The following GABRA4 variants were observed in gnomAD, a reference collection of about 807,000 sequenced individuals.
GABRA4 encodes gamma-aminobutyric acid type A receptor subunit alpha4.
Under a neutral mutation model 49.7 loss-of-function variants are expected in GABRA4, and 12 were observed. The ratio of observed to expected loss-of-function variants is 0.24; its 90% CI spans 0.15 to 0.39. GABRA4 has a LOEUF of 0.39. Ranked by LOEUF, GABRA4 falls within the 10% of genes least tolerant of loss-of-function variation. GABRA4 has a pLI of 1.00. For synonymous variants in GABRA4, 288 were observed against 240.2 expected, an observed-to-expected ratio of 1.20 and a Z score of -1.84; for missense variants, 506 against 686.0, an observed-to-expected ratio of 0.74 and a Z score of 2.93.
Position 46,923,443 on chromosome 4 carries a change from C to G in GABRA4, c.*4782G>C, listed in dbSNP as rs1721106488. On this transcript the variant is annotated 3_prime_UTR_variant, in exon 9 of 9. Coordinates refer to ENST00000264318, the MANE Select transcript of GABRA4 (RefSeq NM_000809.4). ...TCTTTTAATCAAGCAATCTACTCTT[C>G]TAGACAAACATATCCAAATACAAAA... The G allele has an allele frequency of 6.6e-6, 1 of 151,984 alleles. No homozygotes were observed. Among genetic ancestry groups the G allele is most frequent in the African/African-American group, 2.4e-5 (1 of 41,388 alleles). 9.4% of individuals were successfully genotyped at this position (151,984 alleles called of 1,614,324 possible). A position where few individuals can be genotyped will look rare whatever the true frequency, so the allele number is the denominator to read the frequency against.
intron 8 of GABRA4, among the ~76,000 whole-genome samples, chr4:46,934,779 T>A (rs1031045093): frequency 6.6e-6 from 1 of 152,222 alleles, no homozygotes; most frequent in African/African-American, 2.4e-5. Context: ...GTTTCCTTTT[T>A]ATTTGTAAAT....
chr4:46,971,504 T>C (rs1272664637), intron 6 of GABRA4, among the ~76,000 whole-genome samples: 1 of 151,572 alleles, frequency 6.6e-6, no homozygotes, highest in Non-Finnish European at 1.5e-5. Flanking sequence ...CTGTAGTGCT[T>C]TCTATTTTGA....
At chr4:46,957,375 T>C (rs1388319244) in intron 8 of GABRA4, among the ~76,000 whole-genome samples, 3 of 151,974 alleles carry the variant, frequency 2.0e-5, no homozygotes, top group Non-Finnish European at 4.4e-5. Context: ...AGAAAATAGC[T>C]CTTTACTTTT....
rs779651982 is a variant in GABRA4, at chr4:46,928,677, C to G, written c.1213G>C (p.Glu405Gln). 8.1e-6 allele frequency: 13 copies of G among 1,613,366 alleles called. No homozygotes were observed. Among genetic ancestry groups the G allele is most frequent in the Non-Finnish European group, 1.1e-5 (13 of 1,179,540 alleles). Residue 405 changes from glutamate (E) to glutamine (Q), a missense_variant, in exon 9 of 9, where the codon GAG becomes CAG. Glu to Gln is a conservative substitution (Grantham distance 29, BLOSUM62 2). This residue lies in a region of GABRA4 where 243 missense variants were observed against 210.8 expected (regional missense o/e 1.15). Coordinates refer to ENST00000264318, the MANE Select transcript of GABRA4 (RefSeq NM_000809.4). ...GATTTGCTTGAATGGTTTCCCACCT[C>G]AGTTCTGTTGCCAACATCAGATTCA... ...HSESDVGNRT[E>Q]VGNHSSKSST...
intron 2 of GABRA4, among the ~76,000 whole-genome samples, chr4:46,990,757 A>G (rs184130479): frequency 1.1e-3 from 173 of 152,350 alleles, no homozygotes; most frequent in Non-Finnish European, 1.2e-3. Context: ...AAGATCATGC[A>G]TTGACAAATG....
intron 8 of GABRA4, among the ~76,000 whole-genome samples, chr4:46,956,493 CA>C (rs1401345903): frequency 3.3e-5 from 5 of 151,954 alleles, no homozygotes; most frequent in African/African-American, 7.3e-5. Flanking sequence ...TTATGATAGC[CA>C]ACTACTCTTT....
chr4:46,973,296 T>C (rs1723015458), intron 6 of GABRA4, among the ~76,000 whole-genome samples: 2 of 151,742 alleles, frequency 1.3e-5, no homozygotes, highest in Non-Finnish European at 2.9e-5. Flanking sequence ...TAAACCATGA[T>C]GGTGGAGCCT....
chr4:46,947,972 C>A (rs1722038078), intron 8 of GABRA4, among the ~76,000 whole-genome samples: 1 of 152,118 alleles, frequency 6.6e-6, no homozygotes, highest in South Asian at 2.1e-4. Flanking sequence ...ACTCCCAGGC[C>A]TGGCAGTTGA....
At chr4:46,978,832 A>G (rs372731756) in intron 3 of GABRA4, among the ~76,000 whole-genome samples, 199 bp downstream of exon 3, 1 of 152,026 alleles carries the variant, frequency 6.6e-6, no homozygotes, top group East Asian at 1.9e-4. Context: ...CCCTAAATCA[A>G]CAAGTACTCA....
intron 8 of GABRA4, among the ~76,000 whole-genome samples, chr4:46,936,555 A>G (rs1721609989): frequency 6.6e-6 from 1 of 152,136 alleles, no homozygotes. Flanking sequence ...TGGCCAGATC[A>G]CTGTTTCTTT....
At chr4:46,937,767 A>T (rs1413131523) in intron 8 of GABRA4, among the ~76,000 whole-genome samples, 3 of 152,160 alleles carry the variant, frequency 2.0e-5, no homozygotes, top group Non-Finnish European at 4.4e-5. Context: ...AGTTATTTTC[A>T]GCACCTCTTA....
Position 46,920,490 on chromosome 4 carries a change from T to A in GABRA4, c.*7735A>T, listed in dbSNP as rs951850340. 4 of 151,648 alleles carry A rather than the reference T, an allele frequency of 2.6e-5. No individual in the cohort carries two copies. Among genetic ancestry groups the A allele is most frequent in the Non-Finnish European group, 5.9e-5 (4 of 67,670 alleles). 9.4% of individuals were successfully genotyped at this position (151,648 alleles called of 1,614,324 possible). On this transcript the variant is annotated 3_prime_UTR_variant, in exon 9 of 9. Coordinates refer to ENST00000264318, the MANE Select transcript of GABRA4 (RefSeq NM_000809.4). ...TCAGCAAAATATTTTATTAAAGAGA[T>A]GATGTATATGTATTAATATATGAAA...
chr4:46,982,496 A>C (rs1723391663), intron 2 of GABRA4, among the ~76,000 whole-genome samples: 1 of 152,018 alleles, frequency 6.6e-6, no homozygotes, highest in Non-Finnish European at 1.5e-5. Flanking sequence ...TGGTATCCCC[A>C]GAACTGTGAA....
chr4:46,924,154 C>T lies in GABRA4; in HGVS notation c.*4071G>A, dbSNP rs1306765871. 6.6e-6 allele frequency: 1 copy of T among 152,078 alleles called. No homozygotes were observed. The highest frequency in any genetic ancestry group is 1.5e-5 in the Non-Finnish European group (1 of 67,996). The allele number at this position is 152,078 out of a possible 1,614,324, so 9.4% of individuals were successfully genotyped here. A position where few individuals can be genotyped will look rare whatever the true frequency, so the allele number is the denominator to read the frequency against. On this transcript the variant is annotated 3_prime_UTR_variant, in exon 9 of 9. Coordinates refer to ENST00000264318, the MANE Select transcript of GABRA4 (RefSeq NM_000809.4). ...ATGTGGATCTTTTATCCACCTCTAT[C>T]TAGATCAGTGCTATGCTGAGCAATT... is the stretch of plus-strand genomic sequence containing the variant.
At chr4:46,979,974 G>A (rs927272397) in intron 2 of GABRA4, among the ~76,000 whole-genome samples, 3 of 152,018 alleles carry the variant, frequency 2.0e-5, no homozygotes, top group Non-Finnish European at 2.9e-5. Flanking sequence ...ACACAATCTG[G>A]GTTTAACACA....
Position 46,969,659 on chromosome 4 carries a change from A to G in GABRA4, c.874+1424T>C, listed in dbSNP as rs558976305. 3.3e-5 allele frequency among the ~76,000 whole-genome samples: 5 copies of G among 151,668 alleles called. No homozygotes were observed. In the East Asian group the frequency reaches 9.8e-4, roughly 30 times the overall value. ...ACGAACTAAGTGGTCCAGATACCCT[A>G]TATTGAGAACGATACATAACTTTTT... On this transcript the variant is annotated intron_variant, in intron 7 of 8. Coordinates refer to ENST00000264318, the MANE Select transcript of GABRA4 (RefSeq NM_000809.4).
chr4:46,991,647 G>T (rs956308368), intron 2 of GABRA4, among the ~76,000 whole-genome samples: 11 of 152,004 alleles, frequency 7.2e-5, no homozygotes, highest in Admixed American at 7.2e-4. Flanking sequence ...CCATCTGCAC[G>T]GCTTTGTCTT....
chr4:46,966,839 T>C (rs1156906774), intron 7 of GABRA4, among the ~76,000 whole-genome samples: 2 of 151,764 alleles, frequency 1.3e-5, no homozygotes, highest in Non-Finnish European at 1.5e-5. Flanking sequence ...TTTTGTGACA[T>C]TGTTAGCATT....
At chr4:46,946,853 G>A (rs1305674515) in intron 8 of GABRA4, among the ~76,000 whole-genome samples, 1 of 152,030 alleles carries the variant, frequency 6.6e-6, no homozygotes, top group Admixed American at 6.6e-5. Context: ...TAAAAGTGCA[G>A]CAGATTCAAA....
Sources: gnomAD v4.1 joint callset for allele counts (sites outside exome capture counted in the v4.1 genomes callset) on GRCh38, gnomAD v4.1.1 for gene constraint, gnomAD v4.1.1 regional missense constraint, MANE v1.5 for transcripts, NCBI Gene and HGNC (gene_info 2026-07-23, HGNC 2026-07-21) for gene names.